The following HMGCLL1 variants were observed in gnomAD, a reference collection of about 807,000 sequenced individuals.
The protein encoded by HMGCLL1 is 3-hydroxy-3-methylglutaryl-CoA lyase like 1.
Under a neutral mutation model 39.1 loss-of-function variants are expected in HMGCLL1, and 36 were observed. That is an observed-to-expected ratio of 0.92 (90% CI 0.71 to 1.22). HMGCLL1 has a LOEUF of 1.22. Among genes scored for constraint, HMGCLL1 ranks in the 50% most tolerant of loss-of-function variants. The pLI, the probability that HMGCLL1 is intolerant of heterozygous loss-of-function variation, is 0.00. For missense variants in HMGCLL1, 451 were observed against 416.5 expected, an observed-to-expected ratio of 1.08 and a Z score of -0.72; for synonymous variants, 149 against 144.0, an observed-to-expected ratio of 1.03 and a Z score of -0.25.
In HMGCLL1 at chr6:55,506,255, G is replaced by A. The variant is rs1045567440; in HGVS notation, c.543-6956C>T. Among the ~76,000 whole-genome samples, 12 of 151,638 alleles carry A rather than the reference G, an allele frequency of 7.9e-5. No individual in the cohort carries two copies. In the Admixed American group the frequency reaches 7.9e-4, roughly 10 times the overall value. ...GATCTTATTTTCTGCCATACCTTTTGAAACTTTCTATACCTTTTTGCTCTA... is the reference window on the plus strand; with the variant it reads ...GATCTTATTTTCTGCCATACCTTTTAAAACTTTCTATACCTTTTTGCTCTA... On this transcript the variant is annotated intron_variant, in intron 5 of 8. Coordinates refer to ENST00000274901, the MANE Select transcript of HMGCLL1 (RefSeq NM_001042406.2).
chr6:55,435,849 GTTAC>G (rs1763349124), intron 8 of HMGCLL1, 86 bp from the exon 9 acceptor site: 1 of 579,542 alleles, frequency 1.7e-6, no homozygotes, highest in African/African-American at 1.9e-5. Context: ...TTTATTAGTA[GTTAC>G]TTAACCATTT....
chr6:55,537,220 G>T (rs1769085473), intron 3 of HMGCLL1, among the ~76,000 whole-genome samples: 2 of 152,054 alleles, frequency 1.3e-5, no homozygotes, highest in Admixed American at 6.6e-5. Flanking sequence ...CTCAATATTT[G>T]CCTTTGACAA....
At chr6:55,579,282 G>A, upstream of HMGCLL1, 1 of 585,586 alleles carries the variant, frequency 1.7e-6, no homozygotes, top group Non-Finnish European at 3.1e-6. Flanking sequence ...TGCGGGAATC[G>A]ACAGAAATGC....
At chr6:55,650,090 C>CATATATATATATATATATATATAT in the HMGCLL1 span, among the ~76,000 whole-genome samples, 1 of 52,298 alleles carries the variant, frequency 1.9e-5, no homozygotes, top group Non-Finnish European at 3.4e-5. Context: ...CACACATATA[C>CATATATATATATATATATATATAT]ATATATATAT....
At chr6:55,452,058 G>A (rs912071686) in intron 7 of HMGCLL1, among the ~76,000 whole-genome samples, 1 of 152,136 alleles carries the variant, frequency 6.6e-6, no homozygotes, top group Non-Finnish European at 1.5e-5. Context: ...GCACAATACT[G>A]TATGTAATAT....
At chr6:55,553,248 C>CGT (rs70986735) in intron 1 of HMGCLL1, among the ~76,000 whole-genome samples, 3,194 of 143,700 alleles carry the variant, frequency 0.022, 45 homozygotes, top group Non-Finnish European at 0.027. Flanking sequence ...TACATATATA[C>CGT]GTGTGTGTGT....
chr6:55,665,097 A>G, the HMGCLL1 span, among the ~76,000 whole-genome samples: 1 of 151,748 alleles, frequency 6.6e-6, no homozygotes, highest in Non-Finnish European at 1.5e-5. Context: ...TACAATTACT[A>G]GGGAATAGGA....
At chr6:55,583,340 C>G (rs1310790852), upstream of HMGCLL1, among the ~76,000 whole-genome samples, 1 of 151,650 alleles carries the variant, frequency 6.6e-6, no homozygotes, top group Non-Finnish European at 1.5e-5. Context: ...TGCTATCCCT[C>G]CCCTCTCCCC....
intron 1 of HMGCLL1, among the ~76,000 whole-genome samples, chr6:55,555,254 C>T (rs1770589406): frequency 6.6e-6 from 1 of 152,150 alleles, no homozygotes; most frequent in Non-Finnish European, 1.5e-5. Context: ...TTGGACTGTT[C>T]TTCCCCTATA....
At chr6:55,539,942 AAG>A (rs1328253560) in intron 3 of HMGCLL1, among the ~76,000 whole-genome samples, 1 of 27,458 alleles carries the variant, frequency 3.6e-5, no homozygotes, top group East Asian at 1.4e-3. Context: ...GGAGGAGGAG[AAG>A]GAAGGAAGGA....
intron 7 of HMGCLL1, among the ~76,000 whole-genome samples, chr6:55,475,150 A>C (rs1182521988): frequency 1.3e-5 from 2 of 151,526 alleles, no homozygotes; most frequent in South Asian, 2.1e-4. Context: ...AGAATGATGA[A>C]TACCCTTTCC....
chr6:55,473,818 T>C (rs1306084698), intron 7 of HMGCLL1, among the ~76,000 whole-genome samples: 1 of 151,436 alleles, frequency 6.6e-6, no homozygotes, highest in Non-Finnish European at 1.5e-5. Context: ...TCAGTTCTTG[T>C]TTTTCTGAAA....
At chr6:55,613,340 T>C in the HMGCLL1 span, among the ~76,000 whole-genome samples, 1 of 152,166 alleles carries the variant, frequency 6.6e-6, no homozygotes, top group Non-Finnish European at 1.5e-5. Flanking sequence ...TTTTACATTG[T>C]TGGTAGGAAT....
intron 1 of HMGCLL1, among the ~76,000 whole-genome samples, chr6:55,574,503 C>T (rs1771668988): frequency 7.5e-6 from 1 of 133,154 alleles, no homozygotes; most frequent in South Asian, 2.7e-4. Flanking sequence ...TTATAGACAG[C>T]AATTAAGGGT....
At chr6:55,532,475 A>T (rs1308021979) in intron 3 of HMGCLL1, among the ~76,000 whole-genome samples, 2 of 151,934 alleles carry the variant, frequency 1.3e-5, no homozygotes, top group Non-Finnish European at 2.9e-5. Context: ...CCCCCATTTT[A>T]TTGCATATTA....
chr6:55,531,300 A>G (rs1043259582), intron 3 of HMGCLL1, among the ~76,000 whole-genome samples: 1 of 152,160 alleles, frequency 6.6e-6, no homozygotes, highest in African/African-American at 2.4e-5. Context: ...CAGACTAATC[A>G]CAGTAATGCA....
chr6:55,495,257 T>C (rs538005264), intron 7 of HMGCLL1, among the ~76,000 whole-genome samples, 162 bp downstream of exon 7: 1 of 152,282 alleles, frequency 6.6e-6, no homozygotes, highest in African/African-American at 2.4e-5. Flanking sequence ...AAATGTGAAA[T>C]TGACAAATAT....
At chr6:55,634,061 C>G in the HMGCLL1 span, among the ~76,000 whole-genome samples, 1 of 151,088 alleles carries the variant, frequency 6.6e-6, no homozygotes, top group African/African-American at 2.4e-5. Context: ...TTTTTTTTAA[C>G]TGAAGGAAGG....
chr6:55,603,072 A>C, the HMGCLL1 span, among the ~76,000 whole-genome samples: 4 of 152,208 alleles, frequency 2.6e-5, no homozygotes, highest in East Asian at 7.7e-4. Context: ...AAATAGTATA[A>C]AAATGATATC....
Sources: gnomAD v4.1 joint callset for allele counts (sites outside exome capture counted in the v4.1 genomes callset) on GRCh38, gnomAD v4.1.1 for gene constraint, MANE v1.5 for transcripts, NCBI Gene and HGNC (gene_info 2026-07-23, HGNC 2026-07-21) for gene names.